PPP1R14C: variants seen among roughly 807,000 people sequenced by gnomAD.
PPP1R14C encodes the protein protein phosphatase 1 regulatory inhibitor subunit 14C.
In PPP1R14C, 16 loss-of-function variants were observed where a neutral mutation model predicts 20.4. The ratio of observed to expected loss-of-function variants is 0.78; its 90% CI spans 0.53 to 1.19. The LOEUF (loss-of-function observed/expected upper bound fraction) is 1.19. Ranked by LOEUF, PPP1R14C falls within the 50% of genes most tolerant of loss-of-function variation. The probability of loss-of-function intolerance (pLI) is 0.00; values close to 1 mark genes in which losing one functional copy is unlikely to be tolerated. For synonymous variants in PPP1R14C, 91 were observed against 91.0 expected (o/e 1.00, Z 0.00); for missense variants, 211 against 220.1 (o/e 0.96, Z 0.26).
intron 1 of PPP1R14C, among the ~76,000 whole-genome samples, chr6:150,156,858 T>TA (rs1372490281): frequency 1.3e-5 from 2 of 152,224 alleles, no homozygotes; most frequent in Non-Finnish European, 2.9e-5. Flanking sequence ...TTACTAATCT[T>TA]ATACCAGAAG....
At position 150,216,838 on chromosome 6, in the gene PPP1R14C, C is replaced by T; in HGVS notation, c.405C>T (p.Asp135=). The change falls in exon 3 of 4, where the codon GAC becomes GAT. Residue 135 remains aspartate (D), a synonymous_variant. Transcript: ENST00000361131. ...TTTAATTCTAGGAAGCTCTTGTAGA[C>T]TGCTACAAACCAACAGAGGTAAGCA... The part of the protein sequence containing the change: ...RASKLQEALV[D]CYKPTEEFIK... 6.2e-7 allele frequency: 1 copy of T among 1,602,930 alleles called. No homozygotes were observed. The highest frequency in any genetic ancestry group is 1.7e-5 in the Admixed American group (1 of 58,620).
intron 1 of PPP1R14C, among the ~76,000 whole-genome samples, chr6:150,155,752 C>T (rs756268817): frequency 1.7e-4 from 26 of 151,976 alleles, no homozygotes; most frequent in Non-Finnish European, 2.9e-4. Flanking sequence ...TGGCTGGGCA[C>T]GGTGGCTCAC....
intron 3 of PPP1R14C, among the ~76,000 whole-genome samples, chr6:150,226,095 C>T (rs28421691): frequency 0.88 from 132,602 of 150,288 alleles, 57,974 homozygotes; most frequent in Middle Eastern, 0.91. Flanking sequence ...CATATTCATT[C>T]CCCCCCCAAA....
In PPP1R14C at chr6:150,168,511, C is replaced by G. The variant is rs144705098; in HGVS notation, c.306+25013C>G. ...TAGCGCCACTACACTCCAGCCTGGG[C>G]GAAAGAGCGAGACTCCCGTCTCAAC... On this transcript the variant is annotated intron_variant, in intron 1 of 3. Coordinates refer to ENST00000361131, the MANE Select transcript of PPP1R14C (RefSeq NM_030949.3). 5.8e-3 allele frequency among the ~76,000 whole-genome samples: 879 copies of G among 152,004 alleles called. 24 individuals carry two copies. The highest frequency in any genetic ancestry group is 0.048 in the Admixed American group (735 of 15,264).
intron 1 of PPP1R14C, among the ~76,000 whole-genome samples, chr6:150,171,765 C>T (rs1777502378): frequency 6.6e-6 from 1 of 152,270 alleles, no homozygotes; most frequent in Middle Eastern, 3.4e-3. Flanking sequence ...TAAGTGAAAT[C>T]AACAAATGTT....
chr6:150,228,209 T>C (rs1395318919), intron 3 of PPP1R14C, among the ~76,000 whole-genome samples: 1 of 152,216 alleles, frequency 6.6e-6, no homozygotes, highest in African/African-American at 2.4e-5. Context: ...CTGCATTTAT[T>C]TCCTGGACTT....
chr6:150,143,073 C>G lies in PPP1R14C; in HGVS notation c.-120C>G, dbSNP rs1777131854. ...CAGCCGGGCGGCTGGGCGCGCGCGG[C>G]GCAGAGCAGGTGCCGGGGAGCCCTT... On this transcript the variant is annotated 5_prime_UTR_variant, in exon 1 of 4. Transcript: ENST00000361131. This position sits in a 1 kb window ranked among gnomAD's most constrained non-coding sequence, Gnocchi z 5.6. 3 of 1,094,960 alleles carry G rather than the reference C, an allele frequency of 2.7e-6. No homozygotes were observed. Among genetic ancestry groups the G allele is most frequent in the Non-Finnish European group, 3.3e-6 (3 of 905,326 alleles). 67.8% of individuals were successfully genotyped at this position (1,094,960 alleles called of 1,614,324 possible).
At chr6:150,150,748 G>A (rs1777236606) in intron 1 of PPP1R14C, among the ~76,000 whole-genome samples, 1 of 152,046 alleles carries the variant, frequency 6.6e-6, no homozygotes, top group African/African-American at 2.4e-5. Context: ...AGCTAGACCA[G>A]CCACCCTCCA....
Position 150,153,062 on chromosome 6 carries a change from C to G in PPP1R14C, c.306+9564C>G, listed in dbSNP as rs568863485. Among the ~76,000 whole-genome samples, 174 of 152,310 alleles carry G rather than the reference C, an allele frequency of 1.1e-3. 1 individual carries two copies. The highest frequency in any genetic ancestry group is 3.9e-3 in the African/African-American group (163 of 41,568). ...ACAGCAAGAAGATGGAAGACGGCCA[C>G]CTGTAGACCAGGAGGAGGATGCTGG... On this transcript the variant is annotated intron_variant, in intron 1 of 3. Transcript: ENST00000361131.
At chr6:150,156,376 G>A (rs914833532) in intron 1 of PPP1R14C, among the ~76,000 whole-genome samples, 1 of 152,198 alleles carries the variant, frequency 6.6e-6, no homozygotes, top group Non-Finnish European at 1.5e-5. Context: ...TACTTGGTTT[G>A]CTTATGCTAA....
chr6:150,155,517 A>G (rs189283745), intron 1 of PPP1R14C, among the ~76,000 whole-genome samples: 137 of 152,248 alleles, frequency 9.0e-4, no homozygotes, highest in Middle Eastern at 6.8e-3. Flanking sequence ...CAAGAGGAAG[A>G]CTTGCTTCCT....
intron 3 of PPP1R14C, among the ~76,000 whole-genome samples, chr6:150,222,652 T>C (rs1778183250): frequency 6.6e-6 from 1 of 152,132 alleles, no homozygotes; most frequent in East Asian, 1.9e-4. Flanking sequence ...ATCTCTTTAT[T>C]GTCTCCATAG....
At chr6:150,194,808 T>C (rs1171753254) in intron 1 of PPP1R14C, 1 of 985,324 alleles carries the variant, frequency 1.0e-6, no homozygotes, top group African/African-American at 1.7e-5. Context: ...TTTGTTATTC[T>C]TTAGCATCTC....
At chr6:150,206,196 G>A (rs116758773) in intron 1 of PPP1R14C, among the ~76,000 whole-genome samples, 1 of 152,258 alleles carries the variant, frequency 6.6e-6, no homozygotes, top group African/African-American at 2.4e-5. Context: ...CCCTGTCACT[G>A]CCTGACTTAA....
intron 1 of PPP1R14C, among the ~76,000 whole-genome samples, chr6:150,182,996 G>T (rs1381482829): frequency 6.6e-6 from 1 of 152,176 alleles, no homozygotes; most frequent in Non-Finnish European, 1.5e-5. Flanking sequence ...CAGAAAAAGT[G>T]CAGTAAAAAT....
At chr6:150,227,632 G>A (rs1778244942) in intron 3 of PPP1R14C, among the ~76,000 whole-genome samples, 2 of 152,106 alleles carry the variant, frequency 1.3e-5, no homozygotes, top group African/African-American at 2.4e-5. Context: ...CGAAAAAGAC[G>A]GCAATCTTGG....
chr6:150,212,886 G>A (rs1222764495), intron 1 of PPP1R14C, among the ~76,000 whole-genome samples: 1 of 152,190 alleles, frequency 6.6e-6, no homozygotes, highest in Non-Finnish European at 1.5e-5. Context: ...TGTGTGGTAG[G>A]CTACGCCATC....
At chr6:150,240,636 G>A (rs531197808) in intron 3 of PPP1R14C, among the ~76,000 whole-genome samples, 54 of 152,310 alleles carry the variant, frequency 3.5e-4, no homozygotes, top group Middle Eastern at 3.4e-3. Context: ...GATTGTTTGC[G>A]GGAGAGGACC....
intron 1 of PPP1R14C, among the ~76,000 whole-genome samples, chr6:150,211,447 T>G (rs1216372847): frequency 6.6e-6 from 1 of 152,196 alleles, no homozygotes; most frequent in African/African-American, 2.4e-5. Flanking sequence ...AGCCACTGTT[T>G]AGGGACACAC....
Sources: gnomAD v4.1 joint callset for allele counts (sites outside exome capture counted in the v4.1 genomes callset) on GRCh38, gnomAD v4.1.1 for gene constraint, Gnocchi (gnomAD v3.1) non-coding constraint, MANE v1.5 for transcripts, NCBI Gene and HGNC (gene_info 2026-07-23, HGNC 2026-07-21) for gene names.